Variants in RNF130 observed in about 807,000 individuals in gnomAD.
The protein encoded by RNF130 is ring finger protein 130.
RNF130 carries 21 observed loss-of-function variants against 44.6 expected under a neutral mutation model. That is an observed-to-expected ratio of 0.47 (90% CI 0.33 to 0.68). RNF130 has a LOEUF of 0.68. Ranked by LOEUF, RNF130 falls within the 30% of genes least tolerant of loss-of-function variation. RNF130 has a pLI of 0.02. For missense variants in RNF130, 479 were observed against 560.6 expected (o/e 0.85, Z 1.47); for synonymous variants, 214 against 210.4 (o/e 1.02, Z -0.15).
intron 2 of RNF130, among the ~76,000 whole-genome samples, chr5:180,021,674 C>A (rs1294190940): frequency 1.3e-5 from 2 of 151,946 alleles, no homozygotes; most frequent in Admixed American, 1.3e-4. Flanking sequence ...TTCGAAATAT[C>A]ATATAAAAAC....
intron 7 of RNF130, among the ~76,000 whole-genome samples, chr5:179,939,174 G>A (rs768868371): frequency 4.6e-5 from 7 of 151,922 alleles, no homozygotes; most frequent in Admixed American, 1.3e-4. Flanking sequence ...CTGAGGTCGC[G>A]CCACTGCACT....
rs775534396 is a variant in RNF130, at chr5:180,071,556, G to A, written c.147C>T (p.Gly49=). 7.0e-7 allele frequency: 1 copy of A among 1,429,758 alleles called. No individual in the cohort carries two copies. Among genetic ancestry groups the A allele is most frequent in the Non-Finnish European group, 9.2e-7 (1 of 1,084,078 alleles). 88.6% of individuals were successfully genotyped at this position (1,429,758 alleles called of 1,614,324 possible). A position where few individuals can be genotyped will look rare whatever the true frequency, so the allele number is the denominator to read the frequency against. ...GGTCGATGCGAAACGTGAGCGGGGC[G>A]CCGCGGCCGGGCTCCTGCACCGTCA... is the stretch of plus-strand genomic sequence containing the variant. ...INVTVQEPGR[G]APLTFRIDRG... is the part of the protein sequence containing the mutation. The change falls in exon 1 of 9, where the codon GGC becomes GGT. Residue 49 remains glycine, a synonymous_variant. Coordinates refer to ENST00000521389, the MANE Select transcript of RNF130 (RefSeq NM_018434.6).
At chr5:179,915,025 C>G (rs1163937333) in exon 8 of RNF130, 1 of 152,024 alleles carries the variant, frequency 6.6e-6, no homozygotes, top group Non-Finnish European at 1.5e-5. Context: ...GAGTGAGACC[C>G]TGTCTCTAAA....
At chr5:179,968,249 C>T (rs1222842376) in intron 6 of RNF130, among the ~76,000 whole-genome samples, 6 of 151,904 alleles carry the variant, frequency 3.9e-5, no homozygotes, top group East Asian at 3.9e-4. Flanking sequence ...GAGCCGAGAT[C>T]GCACCACTGC....
At chr5:179,920,798 T>A (rs1298701343) in intron 7 of RNF130, among the ~76,000 whole-genome samples, 10 of 147,482 alleles carry the variant, frequency 6.8e-5, no homozygotes, top group African/African-American at 2.1e-4. Context: ...TATATATATT[T>A]TTTTTTTTGA....
At chr5:180,045,445 A>G (rs1764536870) in intron 1 of RNF130, among the ~76,000 whole-genome samples, 1 of 152,184 alleles carries the variant, frequency 6.6e-6, no homozygotes, top group African/African-American at 2.4e-5. Context: ...GCTCATAAAG[A>G]CCGCAGGGAC....
In RNF130 at chr5:180,066,788, G is replaced by A. The variant is rs2218423; in HGVS notation, c.247+4668C>T. 3.4e-3 allele frequency among the ~76,000 whole-genome samples: 511 copies of A among 152,118 alleles called. 4 individuals are homozygous for A. The highest frequency in any genetic ancestry group is 0.012 in the African/African-American group (500 of 41,482). Reference sequence around the variant, plus strand: ...GTGGAGGTTGCGGTGAGCCGAGATCGCGCCATTGCACTCCGCCTGGGCAAC... The same window carrying A: ...GTGGAGGTTGCGGTGAGCCGAGATCACGCCATTGCACTCCGCCTGGGCAAC... On this transcript the variant is annotated intron_variant, in intron 1 of 8. Coordinates refer to ENST00000521389, the MANE Select transcript of RNF130 (RefSeq NM_018434.6).
intron 1 of RNF130, among the ~76,000 whole-genome samples, chr5:180,052,764 A>T (rs1764716297): frequency 6.6e-6 from 1 of 152,190 alleles, no homozygotes; most frequent in Admixed American, 6.5e-5. Flanking sequence ...GAAATCATAA[A>T]ATCAGTCCCT....
chr5:180,046,365 A>G (rs1034166992), intron 1 of RNF130, among the ~76,000 whole-genome samples: 1 of 152,128 alleles, frequency 6.6e-6, no homozygotes, highest in Admixed American at 6.5e-5. Flanking sequence ...GAGAGCGAGC[A>G]GGGGCTGCTA....
At chr5:180,002,174 A>G (rs755712709) in intron 3 of RNF130, among the ~76,000 whole-genome samples, 5 of 152,214 alleles carry the variant, frequency 3.3e-5, no homozygotes, top group African/African-American at 7.2e-5. Flanking sequence ...CGCTGCTTCA[A>G]CTGAGACACT....
At chr5:179,980,712 C>T (rs765464153) in intron 3 of RNF130, among the ~76,000 whole-genome samples, 1 of 152,214 alleles carries the variant, frequency 6.6e-6, no homozygotes, top group Non-Finnish European at 1.5e-5. Context: ...CCACTTCTGG[C>T]TCGCTATACT....
chr5:179,988,489 G>A (rs1420264173), intron 3 of RNF130, among the ~76,000 whole-genome samples: 2 of 152,014 alleles, frequency 1.3e-5, no homozygotes, highest in African/African-American at 2.4e-5. Flanking sequence ...GTGCATAACT[G>A]GGCTCTTCAT....
At chr5:179,979,196 A>G (rs557328040) in intron 4 of RNF130, among the ~76,000 whole-genome samples, 1 of 151,724 alleles carries the variant, frequency 6.6e-6, no homozygotes, top group South Asian at 2.1e-4. Flanking sequence ...CGTGGTCACC[A>G]CTCCTCTGCC....
intron 3 of RNF130, among the ~76,000 whole-genome samples, chr5:180,011,756 C>G (rs1191705603): frequency 6.6e-6 from 1 of 150,890 alleles, no homozygotes; most frequent in Non-Finnish European, 1.5e-5. Context: ...CAGGGCAAGA[C>G]CCTGTCTCTT....
At chr5:180,067,786 A>G (rs1765141586) in intron 1 of RNF130, among the ~76,000 whole-genome samples, 1 of 152,156 alleles carries the variant, frequency 6.6e-6, no homozygotes, top group African/African-American at 2.4e-5. Flanking sequence ...TCTGTGTCCA[A>G]TAGCCCCTGC....
intron 7 of RNF130, 109 bp from the exon 8 acceptor site, chr5:179,963,673 C>A (rs1762379623): frequency 2.6e-6 from 2 of 766,400 alleles, no homozygotes; most frequent in African/African-American, 1.7e-5. Context: ...GAGGTGTAAG[C>A]CAAGATTGGC....
At chr5:179,937,790 CA>C (rs1404340375) in intron 7 of RNF130, among the ~76,000 whole-genome samples, 4 of 152,068 alleles carry the variant, frequency 2.6e-5, no homozygotes, top group African/African-American at 9.7e-5. Context: ...AAGGTGGAAA[CA>C]GCCCAAATGT....
chr5:179,949,257 T>A (rs1350963239), intron 7 of RNF130, among the ~76,000 whole-genome samples: 2 of 151,574 alleles, frequency 1.3e-5, no homozygotes, highest in African/African-American at 4.9e-5. Flanking sequence ...TGAGCCACCG[T>A]GCCCAGACAA....
chr5:180,071,111 A>C (rs753296935), intron 1 of RNF130, among the ~76,000 whole-genome samples: 25 of 152,190 alleles, frequency 1.6e-4, no homozygotes, highest in African/African-American at 2.7e-4. Context: ...ATACAGGCTG[A>C]GACGTCCTCC....
Sources: gnomAD v4.1 joint callset for allele counts (sites outside exome capture counted in the v4.1 genomes callset) on GRCh38, gnomAD v4.1.1 for gene constraint, MANE v1.5 for transcripts, NCBI Gene and HGNC (gene_info 2026-07-23, HGNC 2026-07-21) for gene names.